SPHKAP: variants seen among roughly 807,000 people sequenced by gnomAD.
The protein encoded by SPHKAP is A-kinase anchor protein SPHKAP.
SPHKAP carries 67 observed loss-of-function variants against 137.5 expected under a neutral mutation model. That is an observed-to-expected ratio of 0.49 (90% CI 0.40 to 0.60). The LOEUF (loss-of-function observed/expected upper bound fraction) is 0.60. SPHKAP is among the 20% of genes least tolerant of loss of function. The probability of loss-of-function intolerance (pLI) is 0.00; values close to 1 mark genes in which losing one functional copy is unlikely to be tolerated. For synonymous variants in SPHKAP, 813 were observed against 785.3 expected (o/e 1.04, Z -0.59); for missense variants, 2,097 against 2,069.3 (o/e 1.01, Z -0.26).
intron 7 of SPHKAP, among the ~76,000 whole-genome samples, chr2:228,015,539 G>C (rs1441452619): frequency 6.6e-6 from 1 of 152,142 alleles, no homozygotes; most frequent in Non-Finnish European, 1.5e-5. Flanking sequence ...TCATATTCAA[G>C]AATCTTATAA....
chr2:228,052,914 G>A (rs540758847), intron 3 of SPHKAP, among the ~76,000 whole-genome samples: 1 of 152,274 alleles, frequency 6.6e-6, no homozygotes, highest in Admixed American at 6.5e-5. Context: ...AAGGGACCCA[G>A]TCATATCCTT....
intron 1 of SPHKAP, among the ~76,000 whole-genome samples, chr2:228,140,365 A>C (rs960119552): frequency 6.6e-6 from 1 of 152,038 alleles, no homozygotes; most frequent in Non-Finnish European, 1.5e-5. Context: ...GGACATTCAG[A>C]ATGTATGTTA....
At chr2:228,116,110 A>G (rs767072038) in intron 2 of SPHKAP, among the ~76,000 whole-genome samples, 9 of 152,180 alleles carry the variant, frequency 5.9e-5, no homozygotes, top group Non-Finnish European at 7.4e-5. Flanking sequence ...TGTTGTTTGC[A>G]GATTACACAG....
intron 7 of SPHKAP, among the ~76,000 whole-genome samples, chr2:228,004,018 TTC>T (rs1471373498): frequency 6.6e-6 from 1 of 152,208 alleles, no homozygotes; most frequent in African/African-American, 2.4e-5. Flanking sequence ...TGGTCTAAAA[TTC>T]TCTTTTTTCA....
intron 1 of SPHKAP, among the ~76,000 whole-genome samples, chr2:228,158,330 T>C (rs1042764468): frequency 4.9e-4 from 73 of 150,334 alleles, no homozygotes; most frequent in African/African-American, 1.5e-3. Flanking sequence ...TTCTTTCTTT[T>C]TTTTTTTTTT....
At chr2:228,065,496 C>T (rs201503481) in intron 3 of SPHKAP, among the ~76,000 whole-genome samples, 1 of 152,172 alleles carries the variant, frequency 6.6e-6, no homozygotes, top group Admixed American at 6.5e-5. Flanking sequence ...GTGGAGACCG[C>T]AAGTCTAAAC....
intron 3 of SPHKAP, among the ~76,000 whole-genome samples, chr2:228,052,624 A>G (rs979863052): frequency 2.6e-5 from 4 of 152,094 alleles, no homozygotes; most frequent in Non-Finnish European, 5.9e-5. Flanking sequence ...TTAGAATGAG[A>G]CTCTTTTCAA....
chr2:228,024,342 G>GTTTT (rs56031418), intron 5 of SPHKAP, among the ~76,000 whole-genome samples: 214 of 124,526 alleles, frequency 1.7e-3, no homozygotes, highest in Admixed American at 2.1e-3. Context: ...TGCAGAGGCA[G>GTTTT]TTTTTTTTTT....
chr2:228,048,818 A>G (rs1696155974), intron 3 of SPHKAP, among the ~76,000 whole-genome samples: 1 of 152,148 alleles, frequency 6.6e-6, no homozygotes, highest in Non-Finnish European at 1.5e-5. Flanking sequence ...GTGTCTGTTC[A>G]TATCCTTTGC....
intron 3 of SPHKAP, among the ~76,000 whole-genome samples, chr2:228,052,442 T>C (rs1696290187): frequency 6.6e-6 from 1 of 152,154 alleles, no homozygotes; most frequent in Non-Finnish European, 1.5e-5. Flanking sequence ...TGGCTTCCAG[T>C]TTAAACAACA....
At chr2:228,164,568 T>C (rs539612609) in intron 1 of SPHKAP, among the ~76,000 whole-genome samples, 2 of 152,350 alleles carry the variant, frequency 1.3e-5, no homozygotes, top group South Asian at 4.1e-4. Flanking sequence ...GGCTACAACC[T>C]TTATATGAAT....
intron 3 of SPHKAP, among the ~76,000 whole-genome samples, chr2:228,098,772 A>G (rs919502866): frequency 2.0e-5 from 3 of 151,966 alleles, no homozygotes; most frequent in African/African-American, 4.8e-5. Context: ...AAAAAAAAAA[A>G]AAAAAGTGTC....
At chr2:227,995,851 A>G in intron 7 of SPHKAP, 157 bp from the exon 8 acceptor site, 1 of 893,464 alleles carries the variant, frequency 1.1e-6, no homozygotes. Context: ...CCTAGGTCCC[A>G]TTTGCCTTTT....
At chr2:228,085,276 T>C (rs1300978787) in intron 3 of SPHKAP, among the ~76,000 whole-genome samples, 1 of 152,228 alleles carries the variant, frequency 6.6e-6, no homozygotes, top group Non-Finnish European at 1.5e-5. Context: ...TGTTTGCCTG[T>C]ACCTACCTCA....
At chr2:227,985,547 T>G (rs1693181537) in intron 11 of SPHKAP, among the ~76,000 whole-genome samples, 2 of 152,302 alleles carry the variant, frequency 1.3e-5, no homozygotes, top group South Asian at 2.1e-4. Context: ...TGAGTTTTTC[T>G]TTCCGCTGCA....
At chr2:228,038,069 G>C (rs1250740973) in intron 3 of SPHKAP, among the ~76,000 whole-genome samples, 2 of 152,214 alleles carry the variant, frequency 1.3e-5, no homozygotes, top group African/African-American at 4.8e-5. Flanking sequence ...CGTTTGATGA[G>C]GAGATCGAAT....
chr2:228,051,216 T>C (rs1162472911), intron 3 of SPHKAP, among the ~76,000 whole-genome samples: 4 of 152,230 alleles, frequency 2.6e-5, no homozygotes, highest in Non-Finnish European at 5.9e-5. Context: ...CAGTAGGGAC[T>C]ACATTGTATA....
intron 1 of SPHKAP, among the ~76,000 whole-genome samples, chr2:228,168,320 T>C (rs1222769797): frequency 7.2e-5 from 11 of 152,194 alleles, no homozygotes; most frequent in Non-Finnish European, 1.3e-4. Context: ...TTTACTATGC[T>C]CTGCAGATAC....
intron 1 of SPHKAP, among the ~76,000 whole-genome samples, chr2:228,143,820 C>A (rs4313971): frequency 6.6e-6 from 1 of 151,734 alleles, no homozygotes; most frequent in South Asian, 2.1e-4. Context: ...AGGTCATTTC[C>A]GTTCTTAAGA....
Sources: gnomAD v4.1 joint callset for allele counts (sites outside exome capture counted in the v4.1 genomes callset) on GRCh38, gnomAD v4.1.1 for gene constraint, MANE v1.5 for transcripts, NCBI Gene and HGNC (gene_info 2026-07-23, HGNC 2026-07-21) for gene names.